The following MINDY1 variants were observed in gnomAD, a reference collection of about 807,000 sequenced individuals.
MINDY1 encodes ubiquitin carboxyl-terminal hydrolase MINDY-1.
MINDY1 carries 50 observed loss-of-function variants against 53.6 expected under a neutral mutation model. The ratio of observed to expected loss-of-function variants is 0.93; its 90% confidence interval spans 0.74 to 1.18. The LOEUF (loss-of-function observed/expected upper bound fraction) is 1.18, where lower values mean the gene tolerates loss of function less well. Among genes scored for constraint, MINDY1 ranks in the 50% most tolerant of loss-of-function variants. The probability of loss-of-function intolerance (pLI) is 0.00; values close to 1 mark genes in which losing one functional copy is unlikely to be tolerated. For missense variants in MINDY1, 484 were observed against 578.6 expected, an observed-to-expected ratio of 0.84 and a Z score of 1.68; for synonymous variants, 231 against 234.7, an observed-to-expected ratio of 0.98 and a Z score of 0.14.
At chr1:151,001,449 G>GGT in intron 3 of MINDY1, 135 bp from the exon 4 acceptor site, 1 of 1,079,834 alleles carries the variant, frequency 9.3e-7, no homozygotes, top group Non-Finnish European at 1.4e-6. Context: ...GTCTAATCCA[G>GGT]ACTCTTCATT....
intron 1 of MINDY1, among the ~76,000 whole-genome samples, chr1:151,003,899 T>G (rs1672844421): frequency 1.3e-5 from 2 of 152,240 alleles, no homozygotes; most frequent in Admixed American, 1.3e-4. Context: ...TTTATGTCTA[T>G]TCCCATCCAA....
At position 150,997,230 on chromosome 1, in the gene MINDY1, G is replaced by A; in HGVS notation, c.*57C>T. 6.5e-7 allele frequency: 1 copy of A among 1,527,832 alleles called. No homozygotes were observed. The highest frequency in any genetic ancestry group is 1.2e-5 in the South Asian group (1 of 83,964). 94.6% of individuals were successfully genotyped at this position (1,527,832 alleles called of 1,614,324 possible). On this transcript the variant is annotated 3_prime_UTR_variant, in exon 10 of 10. Transcript: ENST00000683666. The stretch of plus-strand genomic sequence containing the variant: ...CTCAGGGGTGGAGGCGGGGGAGCAA[G>A]CCAACTAGCCATAGCCTCTGGAAGA...
chr1:150,998,007 C>T, intron 8 of MINDY1, 75 bp downstream of exon 8: 2 of 1,459,328 alleles, frequency 1.4e-6, no homozygotes, highest in East Asian at 2.3e-5. Context: ...TGGCCTCTAG[C>T]AGTTAAAATG....
At position 150,999,646 on chromosome 1, in the gene MINDY1, G is replaced by A; in HGVS notation, c.839-135C>T. On this transcript the variant is annotated intron_variant, in intron 6 of 9. Transcript: ENST00000683666. The surrounding 1 kb of genome is among the most constrained non-coding windows in gnomAD (Gnocchi z 4.4). ...TCTGACGTCCCTTTCTTGAAACCTG[G>A]CTGTATTCATTCACTTAACAAATAC... 2 of 1,227,088 alleles carry A rather than the reference G, an allele frequency of 1.6e-6. No homozygotes were observed. Among genetic ancestry groups the A allele is most frequent in the Non-Finnish European group, 2.3e-6 (2 of 883,682 alleles). 76.0% of individuals were successfully genotyped at this position (1,227,088 alleles called of 1,614,324 possible). A position where few individuals can be genotyped will look rare whatever the true frequency, so the allele number is the denominator to read the frequency against.
At chr1:151,008,342 G>A (rs1391938998), upstream of MINDY1, 4 of 1,305,330 alleles carry the variant, frequency 3.1e-6, no homozygotes, top group Non-Finnish European at 3.0e-6. Flanking sequence ...TTCCCACGTC[G>A]CCCCACGCCA....
Position 151,002,612 on chromosome 1 carries a change from T to C in MINDY1, c.6A>G (p.Glu2=), listed in dbSNP as rs750460152. The C allele has an allele frequency of 1.2e-6, 2 of 1,614,040 alleles. No homozygotes were observed. The highest frequency in any genetic ancestry group is 2.7e-5 in the African/African-American group (2 of 74,924). M[E]YHQPEDPAPG... ...GGGCTGGATCCTCAGGCTGATGGTA[T>C]TCCATGGTCAAAAGGGACTTGGCTG... is the stretch of plus-strand genomic sequence containing the variant. The change falls in exon 2 of 10, where the codon GAA becomes GAG. Residue 2 remains glutamate, a synonymous_variant. Transcript: ENST00000683666. The surrounding 1 kb of genome is among the most constrained non-coding windows in gnomAD (Gnocchi z 4.1).
chr1:151,000,964 G>GT (rs900089114), intron 4 of MINDY1, among the ~76,000 whole-genome samples: 2 of 151,758 alleles, frequency 1.3e-5, no homozygotes, highest in African/African-American at 4.8e-5. Context: ...AAAAAAAATG[G>GT]TTTTTTTTAG....
At chr1:151,006,924 G>A (rs1673297216), upstream of MINDY1, 1 of 984,322 alleles carries the variant, frequency 1.0e-6, no homozygotes, top group Admixed American at 6.1e-5. Flanking sequence ...GGAAGAGCAA[G>A]TGCCCTTGCT....
In MINDY1 at chr1:151,002,258, A is replaced by G. The variant is rs777853525; in HGVS notation, c.360T>C (p.Pro120=). The change falls in exon 2 of 10, where the codon CCT becomes CCC. Residue 120 remains proline (P), a synonymous_variant. Coordinates refer to ENST00000683666, the MANE Select transcript of MINDY1 (RefSeq NM_001376665.1). The surrounding 1 kb of genome is among the most constrained non-coding windows in gnomAD (Gnocchi z 4.1). The stretch of plus-strand genomic sequence containing the variant: ...TGATGGGTGTCTGTTCTCCTTTCCA[A>G]GGGATCCACTTGACACAGTAGAAAT... The part of the protein sequence containing the change: ...EPDFYCVKWI[P]WKGEQTPIIT... 1.2e-6 allele frequency: 2 copies of G among 1,614,166 alleles called. No homozygotes were observed. Among genetic ancestry groups the G allele is most frequent in the Non-Finnish European group, 1.7e-6 (2 of 1,180,030 alleles).
At chr1:150,998,794 C>T (rs1672184834) in intron 7 of MINDY1, among the ~76,000 whole-genome samples, 4 of 152,182 alleles carry the variant, frequency 2.6e-5, no homozygotes, top group Non-Finnish European at 1.5e-5. Context: ...TGAGATGCCA[C>T]ATAAGACCCT....
chr1:151,006,524 G>A lies in MINDY1; in HGVS notation c.-302C>T, dbSNP rs1673230396. 4 of 1,011,704 alleles carry A rather than the reference G, an allele frequency of 4.0e-6. No homozygotes were observed. The highest frequency in any genetic ancestry group is 4.7e-6 in the Non-Finnish European group (4 of 846,796). 62.7% of individuals were successfully genotyped at this position (1,011,704 alleles called of 1,614,324 possible). A position where few individuals can be genotyped will look rare whatever the true frequency, so the allele number is the denominator to read the frequency against. On this transcript the variant is annotated 5_prime_UTR_variant, in exon 1 of 10. Coordinates refer to ENST00000683666, the MANE Select transcript of MINDY1 (RefSeq NM_001376665.1). The stretch of plus-strand genomic sequence containing the variant: ...CTCACGCCCAGTACTGGGGGCACTG[G>A]AGGAGGGTGAAGGCAGGCAGGGACA...
chr1:151,006,386 C>T lies in MINDY1; in HGVS notation c.-164G>A. The T allele has an allele frequency of 7.3e-7, 1 of 1,365,388 alleles. No individual in the cohort carries two copies. 84.6% of individuals were successfully genotyped at this position (1,365,388 alleles called of 1,614,324 possible). A position where few individuals can be genotyped will look rare whatever the true frequency, so the allele number is the denominator to read the frequency against. On this transcript the variant is annotated 5_prime_UTR_variant, in exon 1 of 10. Coordinates refer to ENST00000683666, the MANE Select transcript of MINDY1 (RefSeq NM_001376665.1). ...GGCAATGAGATGGGGGAGATAGGTG[C>T]AATGAAGGGGGCTGCCAGTGCCAGC...
In MINDY1 at chr1:150,997,207, C is replaced by G; in HGVS notation, c.*80G>C. 7.1e-7 allele frequency: 1 copy of G among 1,400,362 alleles called. No homozygotes were observed. The highest frequency in any genetic ancestry group is 2.0e-5 in the Admixed American group (1 of 50,364). The allele number at this position is 1,400,362 out of a possible 1,614,324, so 86.7% of individuals were successfully genotyped here. On this transcript the variant is annotated 3_prime_UTR_variant, in exon 10 of 10. Transcript: ENST00000683666. ...CATAAATAAGTTATCCAGCACATCT[C>G]AGGGGTGGAGGCGGGGGAGCAAGCC...
chr1:151,004,509 TACTTGAG>T (rs1183195209), intron 1 of MINDY1, among the ~76,000 whole-genome samples: 1 of 151,774 alleles, frequency 6.6e-6, no homozygotes, highest in Non-Finnish European at 1.5e-5. Flanking sequence ...GCGGGCAGAT[TACTTGAG>T]GTCAGGAGAT....
rs587656393 is a variant in MINDY1 at position 150,997,117 on chromosome 1, G to A, written c.*170C>T. On this transcript the variant is annotated 3_prime_UTR_variant, in exon 10 of 10. Transcript: ENST00000683666. ...TGGGAGGCAGAGAAGGCAGCAGCAC[G>A]TGAGGTCAAGGACATTACCAAGTCT... 8 of 677,404 alleles carry A rather than the reference G, an allele frequency of 1.2e-5. No individual in the cohort carries two copies. Among genetic ancestry groups the A allele is most frequent in the South Asian group, 5.7e-5 (3 of 52,416 alleles). 42.0% of individuals were successfully genotyped at this position (677,404 alleles called of 1,614,324 possible).
rs1232105517 is a variant in MINDY1, at chr1:150,996,839, C to T, written c.*448G>A. The stretch of plus-strand genomic sequence containing the variant: ...GATTACAGGAGTGAGCCACCGTGCC[C>T]GGCCAGAAGTTTTATTTCCAAACCC... On this transcript the variant is annotated 3_prime_UTR_variant, in exon 10 of 10. Transcript: ENST00000683666. The T allele has an allele frequency of 3.6e-5, 6 of 164,534 alleles. No homozygotes were observed. Among genetic ancestry groups the T allele is most frequent in the Non-Finnish European group, 6.7e-5 (5 of 75,116 alleles). 10.2% of individuals were successfully genotyped at this position (164,534 alleles called of 1,614,324 possible).
At chr1:151,005,908 C>A (rs184843083) in intron 1 of MINDY1, among the ~76,000 whole-genome samples, 5 of 152,114 alleles carry the variant, frequency 3.3e-5, no homozygotes, top group Non-Finnish European at 7.4e-5. Context: ...CAGTAGAGAG[C>A]CGAAAGTTGG....
upstream of MINDY1, chr1:151,006,938 T>C (rs1161747354): frequency 2.1e-6 from 2 of 974,762 alleles, no homozygotes; most frequent in Non-Finnish European, 2.4e-6. Flanking sequence ...CCTTGCTAAG[T>C]AGGGAGGAGA....
chr1:151,006,817 G>C lies in MINDY1; in HGVS notation c.-595C>G. ...CAGCAGCTTTGTGATCAGCAGAGAG[G>C]GAGCGAGAAACAGGAGAGAAAAACA... is the stretch of plus-strand genomic sequence containing the variant. On this transcript the variant is annotated 5_prime_UTR_variant, in exon 1 of 10. Transcript: ENST00000683666. 3 of 985,532 alleles carry C rather than the reference G, an allele frequency of 3.0e-6. No individual in the cohort carries two copies. Among genetic ancestry groups the C allele is most frequent in the Non-Finnish European group, 3.6e-6 (3 of 830,014 alleles). The allele number at this position is 985,532 out of a possible 1,614,324, so 61.0% of individuals were successfully genotyped here.
Sources: allele counts gnomAD v4.1 joint callset (sites outside exome capture counted in the v4.1 genomes callset), GRCh38; gene constraint gnomAD v4.1.1; non-coding constraint Gnocchi (gnomAD v3.1); transcripts MANE v1.5; gene names NCBI Gene and HGNC (gene_info 2026-07-23, HGNC 2026-07-21).